Variants in TTC23 observed in about 807,000 individuals in gnomAD.
TTC23 encodes the protein tetratricopeptide repeat domain 23, also known as tetratricopeptide repeat protein 23.
Under a neutral mutation model 55.1 loss-of-function variants are expected in TTC23, and 58 were observed. The ratio of observed to expected loss-of-function variants is 1.05; its 90% confidence interval spans 0.85 to 1.31. The LOEUF is 1.31. Among genes scored for constraint, TTC23 ranks in the 50% most tolerant of loss-of-function variants. TTC23 has a pLI of 0.00. For missense variants in TTC23, 516 were observed against 534.4 expected (o/e 0.97, Z 0.34); for synonymous variants, 203 against 199.9 (o/e 1.02, Z -0.13).
intron 4 of TTC23, among the ~76,000 whole-genome samples, chr15:99,232,659 G>C (rs1434646301): frequency 6.6e-6 from 1 of 152,120 alleles, no homozygotes; most frequent in Non-Finnish European, 1.5e-5. Context: ...GATACATGTT[G>C]GTGAAGATGT....
At chr15:99,215,311 C>A (rs949133284) in intron 8 of TTC23, among the ~76,000 whole-genome samples, 4 of 151,962 alleles carry the variant, frequency 2.6e-5, no homozygotes, top group Non-Finnish European at 4.4e-5. Context: ...AACACAGCAC[C>A]AAGCAGAGAG....
At chr15:99,155,026 G>A (rs1386600512) in intron 12 of TTC23, among the ~76,000 whole-genome samples, 2 of 152,150 alleles carry the variant, frequency 1.3e-5, no homozygotes, top group Non-Finnish European at 2.9e-5. Context: ...AAGTGTATTT[G>A]CAGATAATGT....
chr15:99,167,259 G>A (rs77960209), intron 10 of TTC23, among the ~76,000 whole-genome samples: 1,736 of 152,326 alleles, frequency 0.011, 30 homozygotes, highest in African/African-American at 0.04. Context: ...GAAACAGGGT[G>A]TAGGTTCACA....
At chr15:99,199,500 T>G (rs886246498) in intron 9 of TTC23, among the ~76,000 whole-genome samples, 15 of 151,530 alleles carry the variant, frequency 9.9e-5, no homozygotes, top group Admixed American at 7.2e-4. Flanking sequence ...TTGGTTCTGT[T>G]TCTCTGGAGA....
intron 12 of TTC23, 50 bp from the exon 13 acceptor site, chr15:99,139,449 G>C: frequency 6.2e-7 from 1 of 1,612,574 alleles, no homozygotes; most frequent in Non-Finnish European, 8.5e-7. Context: ...GTCGCTGAGA[G>C]CAGGAAACTA....
intron 3 of TTC23, among the ~76,000 whole-genome samples, chr15:99,240,642 G>A (rs1296207888): frequency 2.6e-5 from 4 of 152,188 alleles, no homozygotes; most frequent in Non-Finnish European, 4.4e-5. Context: ...CAGCAAAGTC[G>A]TTCCCATTTG....
At chr15:99,198,328 A>C (rs1015219530) in intron 9 of TTC23, among the ~76,000 whole-genome samples, 2 of 152,224 alleles carry the variant, frequency 1.3e-5, no homozygotes, top group Non-Finnish European at 2.9e-5. Context: ...AGTCCAGGCC[A>C]GAAACCTGGG....
At chr15:99,232,601 G>A (rs1412808874) in intron 4 of TTC23, among the ~76,000 whole-genome samples, 1 of 152,066 alleles carries the variant, frequency 6.6e-6, no homozygotes, top group African/African-American at 2.4e-5. Context: ...TTATATCCAT[G>A]AGATTTCATC....
At chr15:99,189,829 C>T (rs946509505) in intron 9 of TTC23, among the ~76,000 whole-genome samples, 1 of 151,968 alleles carries the variant, frequency 6.6e-6, no homozygotes, top group Non-Finnish European at 1.5e-5. Context: ...AAAAGAATTG[C>T]CATAAAGGAC....
intron 10 of TTC23, among the ~76,000 whole-genome samples, chr15:99,168,748 T>G (rs1255173255): frequency 6.6e-6 from 1 of 152,046 alleles, no homozygotes; most frequent in Non-Finnish European, 1.5e-5. Flanking sequence ...CGCACAAACT[T>G]GGGTGGGGAA....
In TTC23 at chr15:99,139,364, C is replaced by T; in HGVS notation, c.1179G>A (p.Gln393=). Residue 393 remains glutamine (Q), a synonymous_variant, in exon 13 of 14, where the codon CAG becomes CAA. Coordinates refer to ENST00000394132, the MANE Select transcript of TTC23 (RefSeq NM_001288615.3). ...LQIQTLLYGP[Q]DKRTLATQQA... is the part of the protein sequence containing the mutation. ...GCTGGGTGGCCAGAGTCCTTTTGTC[C>T]TGCGGTCCATATAAGAGGGTCTGGA... 1 of 1,614,080 alleles carries T rather than the reference C, an allele frequency of 6.2e-7. No homozygotes were observed.
chr15:99,194,924 A>C (rs1018399048), intron 9 of TTC23, among the ~76,000 whole-genome samples: 1 of 152,152 alleles, frequency 6.6e-6, no homozygotes, highest in Non-Finnish European at 1.5e-5. Flanking sequence ...CAAGAGCAAA[A>C]CTCCATCTCA....
In TTC23 at chr15:99,218,626, C is replaced by G. The variant is rs2077659429; in HGVS notation, c.543G>C (p.Trp181Cys). 6.2e-7 allele frequency: 1 copy of G among 1,614,100 alleles called. No homozygotes were observed. The highest frequency in any genetic ancestry group is 1.1e-5 in the South Asian group (1 of 91,090). ...LQCGRIIKEE[W>C]IEIEARIRLS... Reference sequence around the variant, plus strand: ...ATCTGATCCGTGCTTCAATTTCTATCCATTCTTCCTTTATAATTCTTCCAC... The same window carrying G: ...ATCTGATCCGTGCTTCAATTTCTATGCATTCTTCCTTTATAATTCTTCCAC... Residue 181 changes from tryptophan (W) to cysteine (C), a missense_variant, in exon 8 of 14, where the codon TGG becomes TGC. Transcript: ENST00000394132.
intron 6 of TTC23, 111 bp downstream of exon 6, chr15:99,221,630 T>G (rs2077937100): frequency 7.2e-7 from 1 of 1,382,182 alleles, no homozygotes; most frequent in African/African-American, 1.4e-5. Context: ...TCTTGGTATT[T>G]AGAAAGGAGA....
At chr15:99,184,305 T>C (rs918587511) in intron 9 of TTC23, among the ~76,000 whole-genome samples, 3 of 152,066 alleles carry the variant, frequency 2.0e-5, no homozygotes, top group African/African-American at 4.8e-5. Context: ...GAATTGCAGG[T>C]CCACTGACAG....
intron 4 of TTC23, among the ~76,000 whole-genome samples, chr15:99,232,854 T>TATTG (rs1388592839): frequency 6.6e-6 from 1 of 152,222 alleles, no homozygotes; most frequent in Admixed American, 6.5e-5. Flanking sequence ...ATTGCAGCAT[T>TATTG]ATTGACAATG....
chr15:99,198,938 G>C (rs1457267067), intron 9 of TTC23, among the ~76,000 whole-genome samples: 1 of 152,110 alleles, frequency 6.6e-6, no homozygotes, highest in Non-Finnish European at 1.5e-5. Flanking sequence ...AGTGCCTTTG[G>C]CATGATACAA....
chr15:99,161,737 T>C lies in TTC23; in HGVS notation c.993+3A>G, dbSNP rs1221852481. On this transcript the variant is annotated splice_donor_region_variant and intron_variant, in intron 11 of 13. Transcript: ENST00000394132. ...TAGACAATTGTGATCCAAACTCACT[T>C]ACCTCTTTTTGTCCAGTCATTTGTA... The C allele has an allele frequency of 6.2e-7, 1 of 1,609,066 alleles. No homozygotes were observed.
chr15:99,167,548 C>T (rs2072297617), intron 10 of TTC23, among the ~76,000 whole-genome samples: 2 of 152,106 alleles, frequency 1.3e-5, no homozygotes, highest in African/African-American at 4.8e-5. Flanking sequence ...GATGTCTCTC[C>T]AGACGGCTCT....
Sources: gnomAD v4.1 joint callset for allele counts (sites outside exome capture counted in the v4.1 genomes callset) on GRCh38, gnomAD v4.1.1 for gene constraint, MANE v1.5 for transcripts, NCBI Gene and HGNC (gene_info 2026-07-23, HGNC 2026-07-21) for gene names.